Variants in RAD21L1 observed in about 807,000 individuals in gnomAD.
RAD21L1 encodes the protein RAD21 cohesin complex component like 1, also known as double-strand-break repair protein rad21-like protein 1.
RAD21L1 carries 47 observed loss-of-function variants against 69.0 expected under a neutral mutation model. The ratio of observed to expected loss-of-function variants is 0.68; its 90% CI spans 0.54 to 0.87. The LOEUF is 0.87. Ranked by LOEUF, RAD21L1 falls within the 40% of genes least tolerant of loss-of-function variation. RAD21L1 has a pLI of 0.00. For synonymous variants in RAD21L1, 177 were observed against 205.8 expected, an observed-to-expected ratio of 0.86 and a Z score of 1.20; for missense variants, 583 against 647.6, an observed-to-expected ratio of 0.90 and a Z score of 1.08.
chr20:1,248,772 C>T, intron 13 of RAD21L1, 69 bp downstream of exon 13: 4 of 878,202 alleles, frequency 4.6e-6, no homozygotes, highest in Non-Finnish European at 6.8e-6. Context: ...TTCAAGCTTC[C>T]ATATATTAAT....
At position 1,244,118 on chromosome 20, in the gene RAD21L1, G is replaced by A. The variant is rs61740338; in HGVS notation, c.1256G>A (p.Gly419Asp). ...SKPQTWKDVI[G>D]GSQHSSHEDT... ...CCCCAAACTTGGAAGGATGTGATTG[G>A]TGGATCTCAGCATAGCTCTCATGAG... Residue 419 changes from glycine (G) to aspartate (D), a missense_variant, in exon 11 of 14, where the codon GGT (glycine) becomes GAT (aspartate). Coordinates refer to ENST00000683101, the MANE Select transcript of RAD21L1 (RefSeq NM_001384355.1). 5.9e-4 allele frequency: 916 copies of A among 1,549,678 alleles called. 1 individual carries two copies. The highest frequency in any genetic ancestry group is 7.2e-4 in the Non-Finnish European group (830 of 1,145,270).
At chr20:1,229,003 T>G (rs2087327772) in intron 2 of RAD21L1, among the ~76,000 whole-genome samples, 1 of 152,216 alleles carries the variant, frequency 6.6e-6, no homozygotes. Flanking sequence ...AGTACTATGT[T>G]CATTATAAAA....
intron 4 of RAD21L1, among the ~76,000 whole-genome samples, chr20:1,232,395 G>T (rs1192159788): frequency 1.3e-5 from 2 of 152,172 alleles, no homozygotes; most frequent in Non-Finnish European, 2.9e-5. Context: ...CTTACTCTAA[G>T]GGGAAAGGGA....
At chr20:1,241,273 A>T (rs2122834727) in intron 8 of RAD21L1, among the ~76,000 whole-genome samples, 1 of 152,372 alleles carries the variant, frequency 6.6e-6, no homozygotes, top group South Asian at 2.1e-4. Context: ...CATGCAAGTG[A>T]ATATAATATA....
chr20:1,253,563 CT>C lies in RAD21L1; in HGVS notation c.1480-705del, dbSNP rs1007379222. The stretch of plus-strand genomic sequence containing the variant: ...CTGCCCTCCTCGGCCTCCCAAAGTG[CT>C]GGGATTACAGGCGTGAGCCACCACG... On this transcript the variant is annotated intron_variant, in intron 13 of 13. Coordinates refer to ENST00000683101, the MANE Select transcript of RAD21L1 (RefSeq NM_001384355.1). Among the ~76,000 whole-genome samples the C allele has an allele frequency of 8.5e-5, 13 of 152,328 alleles. No individual in the cohort carries two copies. The East Asian group carries it at 1.5e-3, about 18-fold the overall frequency.
In RAD21L1 at chr20:1,242,850, C is replaced by T. The variant is rs149871945; in HGVS notation, c.1083+5C>T. 35 of 1,532,702 alleles carry T rather than the reference C, an allele frequency of 2.3e-5. No individual in the cohort carries two copies. In the East Asian group the frequency reaches 4.7e-4, roughly 20 times the overall value. 94.9% of individuals were successfully genotyped at this position (1,532,702 alleles called of 1,614,324 possible). A position where few individuals can be genotyped will look rare whatever the true frequency, so the allele number is the denominator to read the frequency against. ...ATTCATGCTGAACTGAAAATGGTAA[C>T]GGTTCCTACCCTTCTACATGTGAGC... On this transcript the variant is annotated splice_donor_5th_base_variant and intron_variant, in intron 9 of 13. Transcript: ENST00000683101.
chr20:1,231,540 C>T lies in RAD21L1; in HGVS notation c.289C>T (p.Pro97Ser). The change falls in exon 4 of 14, where the codon CCA (proline) becomes TCA (serine). Residue 97 changes from proline (P) to serine (S), a missense_variant. Transcript: ENST00000683101. The part of the protein sequence containing the change: ...MTFCPGLVDL[P>S]KENFEASYNA... ...ATCCTTTTCAGGACTGGTTGACCTT[C>T]CAAAAGAGAATTTTGAAGCATCTTA... The T allele has an allele frequency of 1.3e-6, 2 of 1,534,942 alleles. No homozygotes were observed. Among genetic ancestry groups the T allele is most frequent in the Non-Finnish European group, 1.8e-6 (2 of 1,134,984 alleles).
intron 4 of RAD21L1, among the ~76,000 whole-genome samples, chr20:1,233,232 G>T (rs7266477): frequency 6.6e-6 from 1 of 152,166 alleles, no homozygotes; most frequent in African/African-American, 2.4e-5. Context: ...TGAAGTGGAT[G>T]TATAAATTTG....
chr20:1,231,450 A>T (rs2087389130), intron 3 of RAD21L1, 76 bp from the exon 4 acceptor site: 3 of 742,048 alleles, frequency 4.0e-6, no homozygotes, highest in Admixed American at 2.6e-5. Context: ...CCAGTAAAAG[A>T]ATATAGAGTT....
At chr20:1,241,573 T>TA (rs1401184072) in intron 8 of RAD21L1, among the ~76,000 whole-genome samples, 2 of 152,168 alleles carry the variant, frequency 1.3e-5, no homozygotes, top group Non-Finnish European at 2.9e-5. Context: ...TCAATCTGTG[T>TA]AGCTTCCCTG....
intron 13 of RAD21L1, among the ~76,000 whole-genome samples, chr20:1,250,963 G>A (rs2087816022): frequency 6.6e-6 from 1 of 152,028 alleles, no homozygotes; most frequent in African/African-American, 2.4e-5. Context: ...TTGGGATATT[G>A]CTTTGTCATA....
Position 1,254,335 on chromosome 20 carries a change from C to T in RAD21L1, c.1546C>T (p.Gln516Ter), listed in dbSNP as rs2087893862. 1 of 1,551,168 alleles carries T rather than the reference C, an allele frequency of 6.4e-7. No individual in the cohort carries two copies. Among genetic ancestry groups the T allele is most frequent in the African/African-American group, 1.4e-5 (1 of 73,028 alleles). ...GCTCTGTAGAAATAGTGACCGAAAACAAGCAGCTGCCAAATTTTATAGCTT... is the reference window on the plus strand; with the variant it reads ...GCTCTGTAGAAATAGTGACCGAAAATAAGCAGCTGCCAAATTTTATAGCTT... ...MKLCRNSDRK[Q>*]AAAKFYSFLV... The change falls in exon 14 of 14, where the codon CAA (glutamine) becomes TAA (stop). Residue 516 changes from glutamine (Q) to a stop codon, truncating the protein, a stop_gained. Transcript: ENST00000683101. LOFTEE classifies it high-confidence loss of function.
chr20:1,230,091 G>A, intron 3 of RAD21L1, 82 bp downstream of exon 3: 1 of 989,534 alleles, frequency 1.0e-6, no homozygotes, highest in Non-Finnish European at 1.5e-6. Context: ...ATATACTTCA[G>A]GCTAGTATGG....
At chr20:1,239,660 A>AT (rs2087567155) in intron 7 of RAD21L1, among the ~76,000 whole-genome samples, 1 of 152,200 alleles carries the variant, frequency 6.6e-6, no homozygotes, top group African/African-American at 2.4e-5. Context: ...AATTATTAAA[A>AT]TAGTATATGG....
rs1343593426 is a variant in RAD21L1 at position 1,234,113 on chromosome 20, C to A, written c.397C>A (p.Gln133Lys). The change falls in exon 5 of 14, where the codon CAG becomes AAG. Residue 133 changes from glutamine to lysine, a missense_variant. Coordinates refer to ENST00000683101, the MANE Select transcript of RAD21L1 (RefSeq NM_001384355.1). ...NAIDVSEHFT[Q>K]NQSRPEEITL... ...TATTGATGTTTCAGAACACTTTACT[C>A]AGAACCAAAGCAGACCAGAAGAAAT... 6.5e-7 allele frequency: 1 copy of A among 1,541,772 alleles called. No homozygotes were observed. Among genetic ancestry groups the A allele is most frequent in the South Asian group, 1.2e-5 (1 of 83,240 alleles).
At chr20:1,234,269 G>T (rs938552240) in intron 5 of RAD21L1, 78 bp downstream of exon 5, 20 of 700,166 alleles carry the variant, frequency 2.9e-5, no homozygotes, top group African/African-American at 2.0e-4. Flanking sequence ...AATGCCAGTA[G>T]ACGTAGCTAT....
chr20:1,245,273 C>T (rs1264348686), intron 11 of RAD21L1, among the ~76,000 whole-genome samples: 1 of 152,028 alleles, frequency 6.6e-6, no homozygotes, highest in Admixed American at 6.6e-5. Context: ...AGCATGGGAG[C>T]ACAAGAACAA....
intron 6 of RAD21L1, among the ~76,000 whole-genome samples, chr20:1,238,846 C>T (rs139165879): frequency 1.3e-4 from 20 of 152,136 alleles, no homozygotes; most frequent in East Asian, 7.7e-4. Context: ...ATTTTTGAGA[C>T]GGAGCCTTGC....
chr20:1,241,399 G>A (rs1314049492), intron 8 of RAD21L1, among the ~76,000 whole-genome samples: 1 of 152,192 alleles, frequency 6.6e-6, no homozygotes, highest in Non-Finnish European at 1.5e-5. Context: ...GTAACTACTA[G>A]TCTAATATAA....
Sources: allele counts gnomAD v4.1 joint callset (sites outside exome capture counted in the v4.1 genomes callset), GRCh38; gene constraint gnomAD v4.1.1; transcripts MANE v1.5; gene names NCBI Gene and HGNC (gene_info 2026-07-23, HGNC 2026-07-21).